The following ARL15 variants were observed in gnomAD, a reference collection of about 807,000 sequenced individuals.
ARL15 encodes the protein ADP-ribosylation factor-like protein 15.
In ARL15, 19 loss-of-function variants were observed where a neutral mutation model predicts 25.2. The observed-to-expected ratio is 0.75, with a 90% CI of 0.53 to 1.10. The LOEUF (loss-of-function observed/expected upper bound fraction) is 1.10, where lower values mean the gene tolerates loss of function less well. Among genes scored for constraint, ARL15 ranks in the 50% least tolerant of loss-of-function variants. The pLI is 0.00. For missense variants in ARL15, 220 were observed against 246.0 expected (o/e 0.89, Z 0.71); for synonymous variants, 94 against 86.8 (o/e 1.08, Z -0.46).
At chr5:54,279,919 C>T (rs538846510) in intron 1 of ARL15, among the ~76,000 whole-genome samples, 9 of 152,342 alleles carry the variant, frequency 5.9e-5, no homozygotes, top group East Asian at 3.9e-4. Flanking sequence ...AACTAACTGC[C>T]GGCCTCTTGC....
At chr5:53,910,650 T>A (rs1745428581) in intron 4 of ARL15, among the ~76,000 whole-genome samples, 1 of 136,702 alleles carries the variant, frequency 7.3e-6, no homozygotes, top group Non-Finnish European at 1.6e-5. Context: ...TATATATATA[T>A]ATATATATAT....
intron 4 of ARL15, among the ~76,000 whole-genome samples, chr5:53,890,521 C>T (rs754881676): frequency 2.6e-5 from 4 of 152,188 alleles, no homozygotes; most frequent in African/African-American, 9.6e-5. Context: ...GTGATTGTTT[C>T]ACATTGGCCT....
rs570485958 is a variant in ARL15 at position 54,269,191 on chromosome 5, T to C, written c.48+41241A>G. The stretch of plus-strand genomic sequence containing the variant: ...ACATATGTAAATAACCTGCACATTG[T>C]GCACATGTACCCTAAAACTTAAAGT... On this transcript the variant is annotated intron_variant, in intron 1 of 4. Coordinates refer to ENST00000504924, the MANE Select transcript of ARL15 (RefSeq NM_019087.3). Among the ~76,000 whole-genome samples the C allele has an allele frequency of 8.3e-4, 126 of 152,076 alleles. 1 individual carries two copies. Among genetic ancestry groups the C allele is most frequent in the African/African-American group, 2.9e-3 (122 of 41,464 alleles).
chr5:54,213,071 A>G (rs1756089063), intron 1 of ARL15, among the ~76,000 whole-genome samples: 1 of 152,260 alleles, frequency 6.6e-6, no homozygotes. Flanking sequence ...TCCTAAAAAT[A>G]GTAATGCCCA....
intron 4 of ARL15, among the ~76,000 whole-genome samples, chr5:53,920,196 A>G (rs1342638032): frequency 6.6e-6 from 1 of 152,130 alleles, no homozygotes; most frequent in Non-Finnish European, 1.5e-5. Flanking sequence ...GGTCTATTTT[A>G]CCCAAATTAT....
chr5:54,022,348 C>G (rs1333489671), intron 4 of ARL15, among the ~76,000 whole-genome samples: 1 of 151,868 alleles, frequency 6.6e-6, no homozygotes, highest in Non-Finnish European at 1.5e-5. Context: ...CCCTGCTGCC[C>G]CTGTCTCTCA....
chr5:54,161,050 T>C (rs1359250603), intron 2 of ARL15, among the ~76,000 whole-genome samples: 1 of 152,104 alleles, frequency 6.6e-6, no homozygotes, highest in Non-Finnish European at 1.5e-5. Context: ...ATGCATAGTT[T>C]TCCATGGTTT....
At chr5:54,027,900 G>A (rs1749833057) in intron 4 of ARL15, among the ~76,000 whole-genome samples, 1 of 151,930 alleles carries the variant, frequency 6.6e-6, no homozygotes, top group South Asian at 2.1e-4. Flanking sequence ...CAACCAGTTA[G>A]TAATAGACAG....
At chr5:53,960,659 T>A (rs1247126217) in intron 4 of ARL15, among the ~76,000 whole-genome samples, 1 of 152,214 alleles carries the variant, frequency 6.6e-6, no homozygotes, top group Non-Finnish European at 1.5e-5. Context: ...CATATAAATA[T>A]CAATATGTCT....
intron 1 of ARL15, among the ~76,000 whole-genome samples, chr5:54,268,892 T>TA (rs1216010678): frequency 4.6e-5 from 7 of 152,218 alleles, no homozygotes; most frequent in East Asian, 1.9e-4. Flanking sequence ...TACGCAGCCA[T>TA]AAAAAATGAT....
chr5:54,234,235 C>T (rs1000874338), intron 1 of ARL15, among the ~76,000 whole-genome samples: 1 of 152,026 alleles, frequency 6.6e-6, no homozygotes, highest in Non-Finnish European at 1.5e-5. Flanking sequence ...AGGTGATCCG[C>T]CCGTTTCAGC....
chr5:53,901,119 C>G (rs1745053586), intron 4 of ARL15, among the ~76,000 whole-genome samples: 1 of 152,190 alleles, frequency 6.6e-6, no homozygotes, highest in Admixed American at 6.5e-5. Context: ...ACAGAGGCAG[C>G]CAGGTTCAAG....
intron 4 of ARL15, among the ~76,000 whole-genome samples, chr5:53,981,617 G>GAA (rs1748121848): frequency 6.6e-6 from 1 of 152,092 alleles, no homozygotes; most frequent in Non-Finnish European, 1.5e-5. Context: ...GAAATCATGC[G>GAA]GGGCGCAGTA....
chr5:54,071,938 A>G (rs1472780690), intron 4 of ARL15, among the ~76,000 whole-genome samples: 1 of 150,296 alleles, frequency 6.7e-6, no homozygotes, highest in Non-Finnish European at 1.5e-5. Context: ...GCACCACTGC[A>G]CGCCAGCCTG....
chr5:54,125,130 G>A (rs762166825), intron 3 of ARL15, among the ~76,000 whole-genome samples: 9 of 147,358 alleles, frequency 6.1e-5, no homozygotes, highest in South Asian at 2.2e-4. Flanking sequence ...TGCCAAGGCC[G>A]GAGTGCAATT....
intron 4 of ARL15, chr5:54,048,033 A>T (rs1750579512): frequency 6.6e-6 from 1 of 152,190 alleles, no homozygotes. Flanking sequence ...TATGTTGCCC[A>T]GGCTAGAGTG....
At chr5:54,223,476 T>C (rs796702056) in intron 1 of ARL15, among the ~76,000 whole-genome samples, 3 of 152,304 alleles carry the variant, frequency 2.0e-5, no homozygotes, top group African/African-American at 7.2e-5. Flanking sequence ...TTTCTTTAAA[T>C]AGGTCATTTT....
chr5:53,953,807 ATATC>A (rs1231138641), intron 4 of ARL15, among the ~76,000 whole-genome samples: 2 of 152,194 alleles, frequency 1.3e-5, no homozygotes, highest in African/African-American at 4.8e-5. Flanking sequence ...ATCCATCATA[ATATC>A]TATTTGTTGA....
intron 4 of ARL15, among the ~76,000 whole-genome samples, chr5:53,947,531 C>A (rs1746789205): frequency 6.6e-6 from 1 of 152,034 alleles, no homozygotes; most frequent in Non-Finnish European, 1.5e-5. Context: ...TAGAGCAAAC[C>A]CTGATGCAGG....
Sources: gnomAD v4.1 joint callset for allele counts (sites outside exome capture counted in the v4.1 genomes callset) on GRCh38, gnomAD v4.1.1 for gene constraint, MANE v1.5 for transcripts, NCBI Gene and HGNC (gene_info 2026-07-23, HGNC 2026-07-21) for gene names.